SDHA: variants seen among roughly 807,000 people sequenced by gnomAD.
The protein encoded by SDHA is succinate dehydrogenase complex flavoprotein subunit A.
In SDHA, 48 loss-of-function variants were observed where a neutral mutation model predicts 78.4. That is an observed-to-expected ratio of 0.61 (90% CI 0.49 to 0.78). The LOEUF is 0.78. Ranked by LOEUF, SDHA falls within the 30% of genes least tolerant of loss-of-function variation. The pLI, the probability that SDHA is intolerant of heterozygous loss-of-function variation, is 0.00. For missense variants in SDHA, 680 were observed against 892.7 expected (o/e 0.76, Z 3.04); for synonymous variants, 326 against 353.9 (o/e 0.92, Z 0.88).
At chr5:233,807 A>G (rs1211463169) in intron 8 of SDHA, 162 bp downstream of exon 8, 3 of 678,242 alleles carry the variant, frequency 4.4e-6, no homozygotes, top group African/African-American at 3.6e-5. Context: ...ATATTTTCCT[A>G]AAGACCTACA....
intron 11 of SDHA, among the ~76,000 whole-genome samples, chr5:243,923 G>T (rs1475424090): frequency 6.6e-6 from 1 of 152,118 alleles, no homozygotes; most frequent in Non-Finnish European, 1.5e-5. Flanking sequence ...GGGAAGCATG[G>T]TCATACTAAA....
intron 7 of SDHA, among the ~76,000 whole-genome samples, chr5:232,820 A>G (rs1735500587): frequency 6.6e-6 from 1 of 152,212 alleles, no homozygotes; most frequent in Non-Finnish European, 1.5e-5. Context: ...CCTGTTTCTC[A>G]TCGCACTGAG....
In SDHA at chr5:252,585, G is replaced by A. The variant is rs1355423074; in HGVS notation, c.1794+1117G>A. The stretch of plus-strand genomic sequence containing the variant: ...CCAGTTTAGTAACGAGTAAGTCACC[G>A]TTTTAAGCCTGTCCTGTGGAGGAAA... On this transcript the variant is annotated intron_variant, in intron 13 of 14. Transcript: ENST00000264932. 9.2e-5 allele frequency among the ~76,000 whole-genome samples: 13 copies of A among 141,262 alleles called. 1 individual carries two copies. The highest frequency in any genetic ancestry group is 1.4e-4 in the Admixed American group (2 of 13,802). The allele number at this position is 141,262 out of a possible 152,430, so 92.7% of individuals were successfully genotyped here. A position where few individuals can be genotyped will look rare whatever the true frequency, so the allele number is the denominator to read the frequency against.
intron 9 of SDHA, chr5:235,713 G>A: frequency 2.8e-6 from 1 of 359,422 alleles, no homozygotes; most frequent in Non-Finnish European, 5.4e-6. Context: ...GGCGAGGTGG[G>A]TGGAAGCTGT....
chr5:227,961 G>C (rs1338509677), intron 5 of SDHA: 2 of 530,018 alleles, frequency 3.8e-6, no homozygotes, highest in Non-Finnish European at 6.8e-6. Context: ...ACCAAAATAG[G>C]AGCTGTTGCT....
At position 231,004 on chromosome 5, in the gene SDHA, G is replaced by A. The variant is rs1735364791; in HGVS notation, c.895+4G>A. The A allele has an allele frequency of 1.2e-6, 2 of 1,613,920 alleles. No individual in the cohort carries two copies. The highest frequency in any genetic ancestry group is 1.7e-6 in the Non-Finnish European group (2 of 1,179,842). ...TTTGTTCAGTTCCACCCTACAGGTAGGGCAGGACGCCTTGCCCGGCAGGTG... is the reference window on the plus strand; with the variant it reads ...TTTGTTCAGTTCCACCCTACAGGTAAGGCAGGACGCCTTGCCCGGCAGGTG... On this transcript the variant is annotated splice_donor_region_variant and intron_variant, in intron 7 of 14. Transcript: ENST00000264932.
At chr5:244,373 C>T (rs1736321710) in intron 11 of SDHA, among the ~76,000 whole-genome samples, 1 of 152,048 alleles carries the variant, frequency 6.6e-6, no homozygotes, top group African/African-American at 2.4e-5. Flanking sequence ...ATTCAGATTA[C>T]AATGAGGAAA....
At chr5:256,202 G>A (rs1737168854) in intron 14 of SDHA, 132 bp from the exon 15 acceptor site, 3 of 758,964 alleles carry the variant, frequency 4.0e-6, no homozygotes, top group Admixed American at 1.9e-5. Flanking sequence ...GAGCATTTTT[G>A]TAAAGCACTG....
At chr5:223,099 C>T (rs6870228) in intron 1 of SDHA, among the ~76,000 whole-genome samples, 36,606 of 152,196 alleles carry the variant, frequency 0.24, 6,868 homozygotes, top group African/African-American at 0.52. Flanking sequence ...TGCTTCATTA[C>T]TTGCAAAATA....
chr5:224,627 T>G, intron 3 of SDHA, 106 bp downstream of exon 3: 1 of 1,221,902 alleles, frequency 8.2e-7, no homozygotes, highest in South Asian at 1.2e-5. Flanking sequence ...TCCAGCCACA[T>G]GGCCTCTTGC....
intron 11 of SDHA, among the ~76,000 whole-genome samples, chr5:247,329 A>G (rs1246153097): frequency 1.3e-5 from 2 of 152,272 alleles, no homozygotes; most frequent in African/African-American, 4.8e-5. Flanking sequence ...AACAGCAGTT[A>G]GGAGTAGAAT....
At chr5:258,542 TCTC>T (rs561037248), downstream of SDHA, among the ~76,000 whole-genome samples, 1,039 of 59,976 alleles carry the variant, frequency 0.017, 28 homozygotes, top group Admixed American at 0.027. Flanking sequence ...GTGAGCTCCT[TCTC>T]CTCTCAGAGC....
At chr5:218,708 C>T (rs1734528504) in intron 1 of SDHA, among the ~76,000 whole-genome samples, 1 of 151,806 alleles carries the variant, frequency 6.6e-6, no homozygotes, top group South Asian at 2.1e-4. Context: ...GCCTGGGGTC[C>T]TGGGACCCCG....
chr5:244,780 A>G (rs1421995242), intron 11 of SDHA, among the ~76,000 whole-genome samples: 1 of 152,226 alleles, frequency 6.6e-6, no homozygotes, highest in African/African-American at 2.4e-5. Context: ...GGACTATTCA[A>G]TGATAACTTC....
At chr5:257,154 A>C (rs1231971524), downstream of SDHA, among the ~76,000 whole-genome samples, 2 of 152,196 alleles carry the variant, frequency 1.3e-5, no homozygotes, top group African/African-American at 4.8e-5. Flanking sequence ...GGAGAAAACT[A>C]ACATTTCCTC....
At chr5:239,357 G>A (rs1183075529) in intron 10 of SDHA, among the ~76,000 whole-genome samples, 1 of 152,134 alleles carries the variant, frequency 6.6e-6, no homozygotes, top group Non-Finnish European at 1.5e-5. Context: ...GAGGTCAGGA[G>A]TTCTAGACTG....
chr5:223,463 G>A lies in SDHA; in HGVS notation c.64-19G>A, dbSNP rs1490248268. 2.2e-5 allele frequency: 35 copies of A among 1,564,748 alleles called. No individual in the cohort carries two copies. Among genetic ancestry groups the A allele is most frequent in the Non-Finnish European group, 3.1e-5 (35 of 1,135,142 alleles). ...TTCAGGACACTAACCCTCTGGATCT[G>A]TGTCTTCTGTGTCTCCAGTGGCCAA... On this transcript the variant is annotated intron_variant, in intron 1 of 14. Coordinates refer to ENST00000264932, the MANE Select transcript of SDHA (RefSeq NM_004168.4).
Position 230,894 on chromosome 5 carries a change from C to T in SDHA, c.789C>T (p.Tyr263=), listed in dbSNP as rs1553998616. ...TTTCCAGAGGCTACGGGCGCACCTA[C>T]TTCAGCTGCACGTCTGCCCACACCA... ...VVATGGYGRT[Y]FSCTSAHTST... is the part of the protein sequence containing the mutation. The change falls in exon 7 of 15, where the codon TAC becomes TAT. Residue 263 remains tyrosine (Y), a synonymous_variant. Coordinates refer to ENST00000264932, the MANE Select transcript of SDHA (RefSeq NM_004168.4). 1.9e-6 allele frequency: 3 copies of T among 1,614,118 alleles called. No homozygotes were observed. The highest frequency in any genetic ancestry group is 2.5e-6 in the Non-Finnish European group (3 of 1,179,996).
chr5:266,038 G>A, the SDHA span, among the ~76,000 whole-genome samples: 1 of 96,118 alleles, frequency 1.0e-5, no homozygotes, highest in Non-Finnish European at 1.9e-5. Context: ...TTCAGTCCTG[G>A]AGGGACCCTA....
Sources: allele counts gnomAD v4.1 joint callset (sites outside exome capture counted in the v4.1 genomes callset), GRCh38; gene constraint gnomAD v4.1.1; transcripts MANE v1.5; gene names NCBI Gene and HGNC (gene_info 2026-07-23, HGNC 2026-07-21).